Variants in ALG14 observed in about 807,000 individuals in gnomAD.
ALG14 encodes the protein ALG14 UDP-N-acetylglucosaminyltransferase subunit.
ALG14 carries 17 observed loss-of-function variants against 22.8 expected under a neutral mutation model. The observed-to-expected ratio is 0.75, with a 90% CI of 0.51 to 1.12. The LOEUF (loss-of-function observed/expected upper bound fraction) is 1.12, where lower values mean the gene tolerates loss of function less well. Ranked by LOEUF, ALG14 falls within the 50% of genes most tolerant of loss-of-function variation. The pLI is 0.00. For missense variants in ALG14, 288 were observed against 271.8 expected, an observed-to-expected ratio of 1.06 and a Z score of -0.42; for synonymous variants, 89 against 103.7, an observed-to-expected ratio of 0.86 and a Z score of 0.86.
intron 2 of ALG14, among the ~76,000 whole-genome samples, chr1:95,054,434 C>A (rs1674863282): frequency 1.3e-5 from 2 of 152,078 alleles, no homozygotes; most frequent in African/African-American, 4.8e-5. Context: ...CTTCCTGAGG[C>A]CTCCCCAGAA....
chr1:94,989,323 T>C (rs1250138987), intron 3 of ALG14, among the ~76,000 whole-genome samples: 2 of 152,254 alleles, frequency 1.3e-5, no homozygotes, highest in African/African-American at 4.8e-5. Flanking sequence ...ACAATTATTA[T>C]GGATCAGGAA....
intron 3 of ALG14, among the ~76,000 whole-genome samples, chr1:95,021,302 C>T (rs924535850): frequency 4.6e-5 from 7 of 152,174 alleles, no homozygotes; most frequent in African/African-American, 1.7e-4. Flanking sequence ...GGTGCTAGCA[C>T]TGCCAAGATG....
chr1:94,998,133 T>C (rs1422832751), intron 3 of ALG14, among the ~76,000 whole-genome samples: 1 of 152,198 alleles, frequency 6.6e-6, no homozygotes, highest in Non-Finnish European at 1.5e-5. Context: ...ACATTTAAAA[T>C]AAAATTCTGT....
intron 2 of ALG14, among the ~76,000 whole-genome samples, chr1:95,030,846 C>T (rs1220615310): frequency 6.6e-6 from 1 of 152,178 alleles, no homozygotes; most frequent in Non-Finnish European, 1.5e-5. Context: ...AGTCTCAGTC[C>T]ATTTTCAGAA....
chr1:95,067,217 C>A (rs1161761432), intron 1 of ALG14: 2 of 152,176 alleles, frequency 1.3e-5, no homozygotes, highest in African/African-American at 4.8e-5. Flanking sequence ...GCCACTGCAA[C>A]CTTATGCAAA....
At chr1:95,033,199 A>G (rs1355916099) in intron 2 of ALG14, among the ~76,000 whole-genome samples, 1 of 151,966 alleles carries the variant, frequency 6.6e-6, no homozygotes, top group Non-Finnish European at 1.5e-5. Context: ...TGCCTGCTCC[A>G]TCATTTTACC....
intron 2 of ALG14, among the ~76,000 whole-genome samples, chr1:95,033,420 T>TACACACACAC (rs374040999): frequency 3.7e-4 from 51 of 139,664 alleles, no homozygotes; most frequent in African/African-American, 1.3e-3. Context: ...TATATATATA[T>TACACACACAC]ACACACACAC....
chr1:95,026,202 G>C (rs1026722135), intron 3 of ALG14, among the ~76,000 whole-genome samples: 3 of 152,126 alleles, frequency 2.0e-5, no homozygotes, highest in African/African-American at 4.8e-5. Context: ...AAAGGGCTGG[G>C]ATTACAGGTG....
At chr1:95,062,746 G>A (rs560617367) in intron 2 of ALG14, among the ~76,000 whole-genome samples, 1 of 152,154 alleles carries the variant, frequency 6.6e-6, no homozygotes, top group Non-Finnish European at 1.5e-5. Flanking sequence ...TGTGAATAGT[G>A]CTGCAGTGAA....
At chr1:95,008,179 G>A (rs962898826) in intron 3 of ALG14, among the ~76,000 whole-genome samples, 1 of 152,138 alleles carries the variant, frequency 6.6e-6, no homozygotes, top group African/African-American at 2.4e-5. Context: ...AGGGGCTCAC[G>A]GAAATACAAG....
intron 3 of ALG14, among the ~76,000 whole-genome samples, chr1:95,019,972 T>G (rs1439399921): frequency 6.6e-6 from 1 of 151,872 alleles, no homozygotes; most frequent in Non-Finnish European, 1.5e-5. Flanking sequence ...AATCCTAGCA[T>G]TTTTTGAGAC....
At chr1:95,002,837 C>T (rs1404905834) in intron 3 of ALG14, among the ~76,000 whole-genome samples, 1 of 152,198 alleles carries the variant, frequency 6.6e-6, no homozygotes, top group African/African-American at 2.4e-5. Flanking sequence ...TGTGTGTTCA[C>T]AAACTCCATA....
chr1:95,036,649 A>C (rs1286854307), intron 2 of ALG14, among the ~76,000 whole-genome samples: 1 of 150,850 alleles, frequency 6.6e-6, no homozygotes, highest in Non-Finnish European at 1.5e-5. Flanking sequence ...ATGGTCTCAA[A>C]CTCCTGATTT....
At chr1:95,065,433 C>T (rs1675325136) in intron 1 of ALG14, among the ~76,000 whole-genome samples, 2 of 151,956 alleles carry the variant, frequency 1.3e-5, no homozygotes, top group Admixed American at 6.6e-5. Context: ...GGAAGAACCC[C>T]GGAAAAGGCT....
At chr1:94,987,707 A>G (rs1335399230) in intron 3 of ALG14, among the ~76,000 whole-genome samples, 2 of 152,232 alleles carry the variant, frequency 1.3e-5, no homozygotes, top group African/African-American at 4.8e-5. Flanking sequence ...GAAAAGATGT[A>G]TTTAACTTGA....
intron 3 of ALG14, among the ~76,000 whole-genome samples, chr1:95,020,829 G>A (rs963535077): frequency 4.6e-5 from 7 of 152,030 alleles, no homozygotes; most frequent in Admixed American, 3.9e-4. Flanking sequence ...TGATGAAAAT[G>A]TTTTGGAACT....
At chr1:95,007,642 A>T (rs999622674) in intron 3 of ALG14, among the ~76,000 whole-genome samples, 5 of 152,214 alleles carry the variant, frequency 3.3e-5, no homozygotes, top group African/African-American at 1.2e-4. Context: ...CACAAGCTAA[A>T]ACAGTACCAG....
At chr1:95,014,306 C>T (rs1213915030) in intron 3 of ALG14, among the ~76,000 whole-genome samples, 2 of 152,156 alleles carry the variant, frequency 1.3e-5, no homozygotes, top group Admixed American at 1.3e-4. Flanking sequence ...AGCCTTAGGC[C>T]ATAATCTTTA....
intron 2 of ALG14, among the ~76,000 whole-genome samples, chr1:95,059,121 G>A (rs755207403): frequency 1.5e-4 from 23 of 152,024 alleles, no homozygotes; most frequent in Middle Eastern, 3.4e-3. Context: ...ATTCTTGGCT[G>A]GGCACAGTGG....
Sources: allele counts gnomAD v4.1 joint callset (sites outside exome capture counted in the v4.1 genomes callset), GRCh38; gene constraint gnomAD v4.1.1; transcripts MANE v1.5; gene names NCBI Gene and HGNC (gene_info 2026-07-23, HGNC 2026-07-21).